ADAMTS19: variants seen among roughly 807,000 people sequenced by gnomAD.
ADAMTS19 encodes the protein ADAM metallopeptidase with thrombospondin type 1 motif 19.
A neutral mutation model predicts 153.3 loss-of-function variants in ADAMTS19; 93 were observed. The observed-to-expected ratio is 0.61, with a 90% CI of 0.51 to 0.72. The LOEUF is 0.72. Ranked by LOEUF, ADAMTS19 falls within the 30% of genes least tolerant of loss-of-function variation. The pLI is 0.00. For synonymous variants in ADAMTS19, 600 were observed against 556.6 expected (o/e 1.08, Z -1.10); for missense variants, 1,482 against 1,552.1 (o/e 0.95, Z 0.76).
chr5:129,571,807 A>G (rs1352449291), intron 7 of ADAMTS19, among the ~76,000 whole-genome samples: 3 of 151,902 alleles, frequency 2.0e-5, no homozygotes, highest in African/African-American at 7.2e-5. Context: ...GAAAGAAAAC[A>G]TACATAAATC....
chr5:129,629,178 T>C (rs1359836395), intron 10 of ADAMTS19, among the ~76,000 whole-genome samples: 1 of 152,124 alleles, frequency 6.6e-6, no homozygotes, highest in Non-Finnish European at 1.5e-5. Context: ...ATTTGATGAA[T>C]AAGTGAATCG....
At chr5:129,472,144 A>T (rs145593242) in intron 2 of ADAMTS19, among the ~76,000 whole-genome samples, 2 of 152,230 alleles carry the variant, frequency 1.3e-5, no homozygotes, top group Admixed American at 6.5e-5. Flanking sequence ...ATCTTCCACA[A>T]TGGTTGAACT....
chr5:129,570,624 A>G (rs1753866012), intron 7 of ADAMTS19, among the ~76,000 whole-genome samples: 1 of 61,192 alleles, frequency 1.6e-5, no homozygotes, highest in Non-Finnish European at 6.3e-5. Flanking sequence ...GGAGTACAGG[A>G]AAAAAATTAA....
At chr5:129,561,866 A>ATCTG (rs1753537585) in intron 7 of ADAMTS19, among the ~76,000 whole-genome samples, 1 of 148,950 alleles carries the variant, frequency 6.7e-6, no homozygotes, top group Non-Finnish European at 1.5e-5. Flanking sequence ...CTATCTATCT[A>ATCTG]ATCTATCTGT....
intron 7 of ADAMTS19, among the ~76,000 whole-genome samples, chr5:129,554,927 TC>T (rs1392509323): frequency 6.6e-6 from 1 of 152,170 alleles, no homozygotes; most frequent in Non-Finnish European, 1.5e-5. Flanking sequence ...GCTATCACTC[TC>T]TAGTAAAACA....
rs555801492 is a variant in ADAMTS19, at chr5:129,555,806, T to C, written c.1372+3899T>C. ...TTTATAACATTGTATTTTTATACAA[T>C]AGATAAAAATACAACTAGAAAACTG... On this transcript the variant is annotated intron_variant, in intron 7 of 22. Transcript: ENST00000274487. 7.9e-5 allele frequency among the ~76,000 whole-genome samples: 12 copies of C among 152,296 alleles called. No homozygotes were observed. In the East Asian group the frequency reaches 2.3e-3, roughly 29 times the overall value.
intron 7 of ADAMTS19, among the ~76,000 whole-genome samples, chr5:129,559,697 A>G (rs1456810159): frequency 6.6e-6 from 1 of 152,186 alleles, no homozygotes; most frequent in Admixed American, 6.5e-5. Context: ...TTTATGATAG[A>G]AATGCAAACA....
chr5:129,652,620 A>G (rs998916477), intron 13 of ADAMTS19, among the ~76,000 whole-genome samples: 1 of 152,230 alleles, frequency 6.6e-6, no homozygotes, highest in Admixed American at 6.5e-5. Context: ...GAAGAGTGGT[A>G]TCAAATGTTT....
In ADAMTS19 at chr5:129,461,028, G is replaced by T; in HGVS notation, c.92-74G>T. On this transcript the variant is annotated intron_variant, in intron 1 of 22. Coordinates refer to ENST00000274487, the MANE Select transcript of ADAMTS19 (RefSeq NM_133638.6). This position sits in a 1 kb window ranked among gnomAD's most constrained non-coding sequence, Gnocchi z 4.6. ...CGCGAGCGCCCTGTATCTATGGACT[G>T]TGAGCTTGGAAATGTTTGTGCTACT... The T allele has an allele frequency of 7.8e-7, 1 of 1,281,580 alleles. No individual in the cohort carries two copies. The highest frequency in any genetic ancestry group is 3.9e-5 in the Admixed American group (1 of 25,488). 79.4% of individuals were successfully genotyped at this position (1,281,580 alleles called of 1,614,324 possible). A position where few individuals can be genotyped will look rare whatever the true frequency, so the allele number is the denominator to read the frequency against.
intron 16 of ADAMTS19, among the ~76,000 whole-genome samples, chr5:129,670,810 T>C (rs991767796): frequency 6.6e-6 from 1 of 152,286 alleles, no homozygotes; most frequent in East Asian, 1.9e-4. Flanking sequence ...TCTCCAATTC[T>C]ACTAAATCCC....
intron 19 of ADAMTS19, among the ~76,000 whole-genome samples, chr5:129,695,616 C>T (rs1035917051): frequency 6.6e-6 from 1 of 152,168 alleles, no homozygotes; most frequent in Admixed American, 6.6e-5. Flanking sequence ...GCTGCCAACA[C>T]AGGGCTCCAA....
chr5:129,673,276 TTGC>T (rs1429193641), intron 16 of ADAMTS19, among the ~76,000 whole-genome samples: 3 of 152,096 alleles, frequency 2.0e-5, no homozygotes. Flanking sequence ...ATGAACTTCA[TTGC>T]TTTCTTCTTT....
chr5:129,613,065 T>G (rs1422276698), intron 8 of ADAMTS19, among the ~76,000 whole-genome samples: 1 of 152,110 alleles, frequency 6.6e-6, no homozygotes, highest in African/African-American at 2.4e-5. Flanking sequence ...CAAAGAGACT[T>G]AGACTCCCAC....
At chr5:129,523,497 A>C (rs1026800178) in intron 3 of ADAMTS19, among the ~76,000 whole-genome samples, 2 of 152,206 alleles carry the variant, frequency 1.3e-5, no homozygotes, top group Non-Finnish European at 2.9e-5. Context: ...AGCTGATTTA[A>C]CAATATACCA....
intron 15 of ADAMTS19, among the ~76,000 whole-genome samples, chr5:129,664,631 G>GAC (rs1236634498): frequency 6.6e-6 from 1 of 152,012 alleles, no homozygotes; most frequent in East Asian, 1.9e-4. Flanking sequence ...GACAACTCTG[G>GAC]AATTAGCTCT....
At chr5:129,708,781 T>C (rs576755952) in intron 21 of ADAMTS19, among the ~76,000 whole-genome samples, 14 of 152,228 alleles carry the variant, frequency 9.2e-5, no homozygotes, top group Non-Finnish European at 1.5e-4. Context: ...TTTATTCTTA[T>C]ATTTATATTC....
chr5:129,538,704 G>A (rs1469870225), intron 6 of ADAMTS19, among the ~76,000 whole-genome samples: 2 of 152,026 alleles, frequency 1.3e-5, no homozygotes, highest in East Asian at 1.9e-4. Flanking sequence ...TGTTGTTGAA[G>A]TCATCTTACA....
rs1754827996 is a variant in ADAMTS19 at position 129,681,809 on chromosome 5, G to A, written c.2664+1888G>A. Among the ~76,000 whole-genome samples, 6 of 152,090 alleles carry A rather than the reference G, an allele frequency of 3.9e-5. No individual in the cohort carries two copies. In the South Asian group the frequency reaches 1.2e-3, roughly 32 times the overall value. On this transcript the variant is annotated intron_variant, in intron 17 of 22. Transcript: ENST00000274487. Reference sequence around the variant, plus strand: ...TGGATCCTATTATTTAATTTCAGCTGGAAACCCTACTCTCTGCCTTATGCC... The same window carrying A: ...TGGATCCTATTATTTAATTTCAGCTAGAAACCCTACTCTCTGCCTTATGCC...
At chr5:129,617,076 A>G (rs566170147) in intron 8 of ADAMTS19, among the ~76,000 whole-genome samples, 10 of 152,114 alleles carry the variant, frequency 6.6e-5, no homozygotes, top group African/African-American at 2.4e-4. Flanking sequence ...AAGTGATATC[A>G]TTGTCAGTGG....
Sources: allele counts gnomAD v4.1 joint callset (sites outside exome capture counted in the v4.1 genomes callset), GRCh38; gene constraint gnomAD v4.1.1; non-coding constraint Gnocchi (gnomAD v3.1); transcripts MANE v1.5; gene names NCBI Gene and HGNC (gene_info 2026-07-23, HGNC 2026-07-21).